Variants in SAMSN1 observed in about 807,000 individuals in gnomAD.
SAMSN1 encodes the protein SAM domain-containing protein SAMSN-1.
A neutral mutation model predicts 42.0 loss-of-function variants in SAMSN1; 31 were observed. That is an observed-to-expected ratio of 0.74 (90% confidence interval 0.55 to 1.00). SAMSN1 has a LOEUF of 1.00. SAMSN1 is among the 50% of genes least tolerant of loss of function. The probability of loss-of-function intolerance (pLI) is 0.00; values close to 1 mark genes in which losing one functional copy is unlikely to be tolerated. For missense variants in SAMSN1, 464 were observed against 439.4 expected, an observed-to-expected ratio of 1.06 and a Z score of -0.50; for synonymous variants, 178 against 151.9, an observed-to-expected ratio of 1.17 and a Z score of -1.26.
At chr21:14,542,794 A>G (rs1980128062) in intron 1 of SAMSN1, among the ~76,000 whole-genome samples, 1 of 152,110 alleles carries the variant, frequency 6.6e-6, no homozygotes, top group African/African-American at 2.4e-5. Context: ...AAAATTAAAA[A>G]TTAGCTGGGC....
chr21:14,589,693 A>T (rs980022922), intron 7 of SAMSN1, among the ~76,000 whole-genome samples: 12 of 152,164 alleles, frequency 7.9e-5, no homozygotes, highest in Non-Finnish European at 2.9e-5. Context: ...AGATTGCGTT[A>T]TCTGTCTGAA....
intron 1 of SAMSN1, chr21:14,658,645 T>G: frequency 1.5e-6 from 1 of 674,638 alleles, no homozygotes; most frequent in Non-Finnish European, 2.7e-6. Flanking sequence ...GCTAAGTGTA[T>G]GAATATCATC....
At chr21:14,655,550 T>C (rs1041966607) in intron 1 of SAMSN1, among the ~76,000 whole-genome samples, 1 of 151,804 alleles carries the variant, frequency 6.6e-6, no homozygotes, top group Non-Finnish European at 1.5e-5. Context: ...ATTAAAATAT[T>C]TAAAAGGAAG....
chr21:14,583,726 T>C (rs1473937177), upstream of SAMSN1: 4 of 717,810 alleles, frequency 5.6e-6, no homozygotes, highest in Non-Finnish European at 1.0e-5. Flanking sequence ...GTTTCTGTAG[T>C]CGCTTTAATG....
chr21:14,635,072 A>G (rs191462842), intron 2 of SAMSN1, among the ~76,000 whole-genome samples: 2 of 152,324 alleles, frequency 1.3e-5, no homozygotes, highest in African/African-American at 2.4e-5. Context: ...TCAGCAAACT[A>G]ACACAGGAAC....
intron 2 of SAMSN1, among the ~76,000 whole-genome samples, chr21:14,578,422 A>C (rs892902422): frequency 6.6e-6 from 1 of 152,082 alleles, no homozygotes; most frequent in Non-Finnish European, 1.5e-5. Flanking sequence ...AGGCCACCTA[A>C]AAACTCTGAT....
At chr21:14,562,373 C>G (rs1417117333) in intron 2 of SAMSN1, among the ~76,000 whole-genome samples, 1 of 152,080 alleles carries the variant, frequency 6.6e-6, no homozygotes, top group Non-Finnish European at 1.5e-5. Context: ...TCTTCTCTCT[C>G]AGTTTGGTCC....
At chr21:14,576,903 G>A (rs1981483564) in intron 2 of SAMSN1, among the ~76,000 whole-genome samples, 1 of 151,712 alleles carries the variant, frequency 6.6e-6, no homozygotes, top group Admixed American at 6.6e-5. Flanking sequence ...TTGGGTCTTT[G>A]ACTTTGCCTC....
At chr21:14,643,083 G>C in exon 2 of SAMSN1, 1 of 717,302 alleles carries the variant, frequency 1.4e-6, no homozygotes, top group African/African-American at 1.7e-5. Context: ...TGTTTTCTTG[G>C]TTAGCTTGTT....
intron 3 of SAMSN1, among the ~76,000 whole-genome samples, chr21:14,513,332 C>T (rs751184982): frequency 6.6e-6 from 1 of 152,156 alleles, no homozygotes; most frequent in Non-Finnish European, 1.5e-5. Context: ...AAATGATATA[C>T]ACTCAGTTTG....
chr21:14,523,085 A>G (rs1201094438), intron 1 of SAMSN1, among the ~76,000 whole-genome samples: 1 of 152,212 alleles, frequency 6.6e-6, no homozygotes, highest in Non-Finnish European at 1.5e-5. Context: ...TTATTATAAC[A>G]AAATGATGTT....
intron 7 of SAMSN1, among the ~76,000 whole-genome samples, chr21:14,491,083 C>G (rs1471248744): frequency 6.6e-6 from 1 of 152,128 alleles, no homozygotes; most frequent in Non-Finnish European, 1.5e-5. Flanking sequence ...TTAAAACTGT[C>G]ACACATTATT....
At chr21:14,534,987 G>A (rs538469262) in intron 1 of SAMSN1, among the ~76,000 whole-genome samples, 1 of 152,128 alleles carries the variant, frequency 6.6e-6, no homozygotes, top group South Asian at 2.1e-4. Context: ...CTATAAATTC[G>A]AATAGATAAG....
upstream of SAMSN1, among the ~76,000 whole-genome samples, chr21:14,546,669 TAAA>T (rs35353684): frequency 6.9e-6 from 1 of 145,840 alleles, no homozygotes; most frequent in Non-Finnish European, 1.5e-5. Context: ...TTCTATTATT[TAAA>T]AAAAAAAAAA....
At chr21:14,539,840 A>G (rs1488514674) in intron 1 of SAMSN1, among the ~76,000 whole-genome samples, 1 of 152,222 alleles carries the variant, frequency 6.6e-6, no homozygotes, top group Non-Finnish European at 1.5e-5. Flanking sequence ...CGCCAAGTCA[A>G]TCCTAAGCCA....
Position 14,521,217 on chromosome 21 carries a change from C to T in SAMSN1, c.62G>A (p.Ser21Asn). ...EKEKHQKPKRSSSFGNFDRFR... is the reference protein window; with the variant it reads ...EKEKHQKPKRNSSFGNFDRFR... ...ACGATCGAAATTCCCAAAACTGCTG[C>T]TTCGCTATAAAATAGAAAAGAAAAA... is the stretch of plus-strand genomic sequence containing the variant. Residue 21 changes from serine to asparagine, a missense_variant, in exon 2 of 8, where the codon AGC (serine) becomes AAC (asparagine). Physicochemically the swap from Ser to Asn is conservative, Grantham distance 46. Coordinates refer to ENST00000400566, the MANE Select transcript of SAMSN1 (RefSeq NM_022136.5). The T allele has an allele frequency of 6.2e-7, 1 of 1,608,916 alleles. No individual in the cohort carries two copies. Among genetic ancestry groups the T allele is most frequent in the South Asian group, 1.1e-5 (1 of 90,328 alleles).
chr21:14,502,853 A>G (rs1043838219), intron 5 of SAMSN1, among the ~76,000 whole-genome samples: 1 of 152,244 alleles, frequency 6.6e-6, no homozygotes, highest in Non-Finnish European at 1.5e-5. Flanking sequence ...AGAAGGGCTG[A>G]AGACCTTAAA....
intron 1 of SAMSN1, among the ~76,000 whole-genome samples, chr21:14,646,494 T>C (rs992360089): frequency 1.3e-5 from 2 of 152,102 alleles, no homozygotes; most frequent in Non-Finnish European, 2.9e-5. Flanking sequence ...GAACGCCAGG[T>C]CAGTCCTATA....
At chr21:14,522,202 T>A (rs535564415) in intron 1 of SAMSN1, among the ~76,000 whole-genome samples, 4 of 152,334 alleles carry the variant, frequency 2.6e-5, no homozygotes, top group African/African-American at 9.6e-5. Context: ...ATTATGCAAC[T>A]CAATGTAGGC....
Sources: gnomAD v4.1 joint callset for allele counts (sites outside exome capture counted in the v4.1 genomes callset) on GRCh38, gnomAD v4.1.1 for gene constraint, MANE v1.5 for transcripts, NCBI Gene and HGNC (gene_info 2026-07-23, HGNC 2026-07-21) for gene names.